DLC1: variants seen among roughly 807,000 people sequenced by gnomAD.
The protein encoded by DLC1 is rho GTPase-activating protein 7.
Under a neutral mutation model 140.3 loss-of-function variants are expected in DLC1, and 54 were observed. The ratio of observed to expected loss-of-function variants is 0.38; its 90% CI spans 0.31 to 0.48. The LOEUF is 0.48. Ranked by LOEUF, DLC1 falls within the 20% of genes least tolerant of loss-of-function variation. DLC1 has a pLI of 0.96. For synonymous variants in DLC1, 986 were observed against 728.1 expected (o/e 1.35, Z -5.70); for missense variants, 2,536 against 1,907.0 (o/e 1.33, Z -6.14).
chr8:13,242,231 C>T (rs1466163855), intron 5 of DLC1, among the ~76,000 whole-genome samples: 1 of 152,070 alleles, frequency 6.6e-6, no homozygotes, highest in Non-Finnish European at 1.5e-5. Context: ...TTTCCTAGAG[C>T]ATCAATACTC....
intron 1 of DLC1, among the ~76,000 whole-genome samples, chr8:13,553,317 A>G (rs976566984): frequency 2.8e-5 from 4 of 144,114 alleles, no homozygotes; most frequent in African/African-American, 7.6e-5. Flanking sequence ...CAATTTCTCC[A>G]TGCATGTACT....
intron 5 of DLC1, among the ~76,000 whole-genome samples, chr8:13,290,377 C>T (rs1362510357): frequency 6.6e-6 from 1 of 152,068 alleles, no homozygotes; most frequent in Non-Finnish European, 1.5e-5. Flanking sequence ...CTGGAGGCAT[C>T]CAGGAATCTG....
chr8:13,092,150 C>A (rs1002601505), intron 13 of DLC1, among the ~76,000 whole-genome samples: 4 of 152,184 alleles, frequency 2.6e-5, no homozygotes, highest in African/African-American at 9.7e-5. Context: ...GAGGCTGAGG[C>A]AGGAGAATGG....
At chr8:13,092,073 C>T (rs540306917) in intron 13 of DLC1, among the ~76,000 whole-genome samples, 5 of 152,114 alleles carry the variant, frequency 3.3e-5, no homozygotes, top group East Asian at 1.9e-4. Context: ...GGTGAAACCC[C>T]GTCTCTACTA....
chr8:13,525,093 A>G (rs995440040), intron 1 of DLC1, among the ~76,000 whole-genome samples: 2 of 152,148 alleles, frequency 1.3e-5, no homozygotes, highest in African/African-American at 2.4e-5. Context: ...ATGAAGTCAT[A>G]TGTATGTACC....
chr8:13,513,670 A>G (rs17094417), intron 1 of DLC1, among the ~76,000 whole-genome samples: 4,199 of 152,272 alleles, frequency 0.028, 203 homozygotes, highest in East Asian at 0.17. Context: ...CTTATGCATT[A>G]TAAGTCCACA....
chr8:13,115,790 T>A (rs1820505136), intron 5 of DLC1, 133 bp from the exon 6 acceptor site: 1 of 781,580 alleles, frequency 1.3e-6, no homozygotes, highest in East Asian at 2.6e-5. Context: ...CAAACAGACA[T>A]ACACGCTTAA....
intron 5 of DLC1, among the ~76,000 whole-genome samples, chr8:13,148,954 G>A (rs1823620935): frequency 6.6e-6 from 1 of 151,984 alleles, no homozygotes; most frequent in Non-Finnish European, 1.5e-5. Context: ...CACCACGCCC[G>A]GCTAATTTTT....
chr8:13,364,922 T>G (rs1200978394), intron 4 of DLC1, among the ~76,000 whole-genome samples: 6 of 152,242 alleles, frequency 3.9e-5, no homozygotes, highest in Non-Finnish European at 8.8e-5. Context: ...ATTGCAATGT[T>G]TGTTTTCTGT....
At chr8:13,242,826 A>G (rs1347216545) in intron 5 of DLC1, among the ~76,000 whole-genome samples, 1 of 152,070 alleles carries the variant, frequency 6.6e-6, no homozygotes, top group Non-Finnish European at 1.5e-5. Context: ...GGAAAATATT[A>G]CTTTAACATT....
chr8:13,201,138 GAA>G (rs5889426), intron 5 of DLC1, among the ~76,000 whole-genome samples: 2 of 144,104 alleles, frequency 1.4e-5, no homozygotes, highest in Admixed American at 6.9e-5. Flanking sequence ...AGGAAACAAG[GAA>G]AAAAAAAAAG....
chr8:13,303,433 T>G (rs568904732), intron 5 of DLC1, among the ~76,000 whole-genome samples: 3 of 152,336 alleles, frequency 2.0e-5, no homozygotes, highest in East Asian at 3.9e-4. Flanking sequence ...TTGTTGTTCT[T>G]AAGGAGGAAA....
At chr8:13,389,768 G>T (rs1302201645) in intron 4 of DLC1, among the ~76,000 whole-genome samples, 1 of 152,060 alleles carries the variant, frequency 6.6e-6, no homozygotes, top group South Asian at 2.1e-4. Context: ...AATTTCTGTG[G>T]TTGTTACTGT....
rs1018067093 is a variant in DLC1 at position 13,084,699 on chromosome 8, A to G, written c.*1112T>C. The stretch of plus-strand genomic sequence containing the variant: ...CTATTTGCTGATAAGAACAAGCCCA[A>G]TGAATAAACACATGTGGCTTTCAGG... On this transcript the variant is annotated 3_prime_UTR_variant, in exon 18 of 18. Transcript: ENST00000276297. 9 of 152,212 alleles carry G rather than the reference A, an allele frequency of 5.9e-5. No individual in the cohort carries two copies. Among genetic ancestry groups the G allele is most frequent in the African/African-American group, 9.6e-5 (4 of 41,464 alleles). The allele number at this position is 152,212 out of a possible 1,614,324, so 9.4% of individuals were successfully genotyped here.
chr8:13,371,825 C>T (rs894743344), intron 4 of DLC1, among the ~76,000 whole-genome samples: 1 of 152,084 alleles, frequency 6.6e-6, no homozygotes, highest in Non-Finnish European at 1.5e-5. Context: ...CTCCACTATC[C>T]AGCACAATGC....
chr8:13,149,932 A>G (rs1436548255), intron 5 of DLC1, among the ~76,000 whole-genome samples: 1 of 152,240 alleles, frequency 6.6e-6, no homozygotes, highest in African/African-American at 2.4e-5. Context: ...TTCTGCTGGT[A>G]ACCACATACT....
chr8:13,273,502 A>G (rs1831034169), intron 5 of DLC1, among the ~76,000 whole-genome samples: 1 of 152,210 alleles, frequency 6.6e-6, no homozygotes, highest in Admixed American at 6.5e-5. Flanking sequence ...AGACAATCTG[A>G]TCTGTCCTTC....
intron 5 of DLC1, among the ~76,000 whole-genome samples, chr8:13,163,716 C>A (rs1037780044): frequency 6.6e-6 from 1 of 152,068 alleles, no homozygotes; most frequent in Non-Finnish European, 1.5e-5. Flanking sequence ...CGTGGTGGCT[C>A]CCACCTGTAA....
At chr8:13,591,205 A>T (rs757423624) in intron 1 of DLC1, among the ~76,000 whole-genome samples, 10 of 152,138 alleles carry the variant, frequency 6.6e-5, no homozygotes, top group Non-Finnish European at 1.5e-4. Context: ...AAAAATGATT[A>T]TCACACTCAT....
Sources: allele counts gnomAD v4.1 joint callset (sites outside exome capture counted in the v4.1 genomes callset), GRCh38; gene constraint gnomAD v4.1.1; transcripts MANE v1.5; gene names NCBI Gene and HGNC (gene_info 2026-07-23, HGNC 2026-07-21).